FLVCR2: variants seen among roughly 807,000 people sequenced by gnomAD.
The protein encoded by FLVCR2 is FLVCR choline and putative heme transporter 2.
In FLVCR2, 38 loss-of-function variants were observed where a neutral mutation model predicts 48.9. That is an observed-to-expected ratio of 0.78 (90% CI 0.60 to 1.02). The LOEUF (loss-of-function observed/expected upper bound fraction) is 1.02, where lower values mean the gene tolerates loss of function less well. FLVCR2 is among the 50% of genes least tolerant of loss of function. The probability of loss-of-function intolerance (pLI) is 0.00; values close to 1 mark genes in which losing one functional copy is unlikely to be tolerated. For synonymous variants in FLVCR2, 255 were observed against 257.0 expected (o/e 0.99, Z 0.07); for missense variants, 664 against 663.3 (o/e 1.00, Z -0.01).
intron 1 of FLVCR2, among the ~76,000 whole-genome samples, chr14:75,591,740 C>T (rs1888885182): frequency 6.7e-6 from 1 of 150,090 alleles, no homozygotes; most frequent in Admixed American, 6.7e-5. Context: ...CAGAGGCTGT[C>T]TGTGGTGGCT....
At chr14:75,611,850 G>A (rs114641664) in intron 1 of FLVCR2, among the ~76,000 whole-genome samples, 1,889 of 152,260 alleles carry the variant, frequency 0.012, 35 homozygotes, top group African/African-American at 0.042. Context: ...ATGTGAAAAA[G>A]CCTTTAGCAT....
chr14:75,613,187 G>T (rs530350671), intron 1 of FLVCR2, among the ~76,000 whole-genome samples: 1 of 152,250 alleles, frequency 6.6e-6, no homozygotes. Flanking sequence ...ATCTGAGGCT[G>T]GGTGATATAT....
chr14:75,598,324 G>T (rs974711651), intron 1 of FLVCR2, among the ~76,000 whole-genome samples: 7 of 152,188 alleles, frequency 4.6e-5, no homozygotes, highest in Non-Finnish European at 8.8e-5. Context: ...GCCCTAATGG[G>T]ATATGAGCTT....
chr14:75,619,710 A>G (rs1889714889), intron 1 of FLVCR2, among the ~76,000 whole-genome samples: 1 of 152,194 alleles, frequency 6.6e-6, no homozygotes, highest in African/African-American at 2.4e-5. Flanking sequence ...TCCTTGAGAA[A>G]GGTTACCATG....
intron 3 of FLVCR2, among the ~76,000 whole-genome samples, chr14:75,629,354 G>T (rs1773199650): frequency 6.6e-6 from 1 of 152,018 alleles, no homozygotes; most frequent in Admixed American, 6.6e-5. Flanking sequence ...GAGGGGGAGA[G>T]GTGCAGGGGT....
chr14:75,637,144 T>A (rs528244026), intron 5 of FLVCR2, among the ~76,000 whole-genome samples: 27 of 152,362 alleles, frequency 1.8e-4, no homozygotes, highest in Middle Eastern at 3.4e-3. Flanking sequence ...GACACAGGTT[T>A]CAAATCCAGC....
intron 1 of FLVCR2, among the ~76,000 whole-genome samples, chr14:75,621,357 G>A (rs1057033940): frequency 1.1e-4 from 16 of 150,792 alleles, no homozygotes; most frequent in Admixed American, 2.0e-4. Context: ...GCAGTGAGCC[G>A]AGATTGCGCC....
intron 9 of FLVCR2, among the ~76,000 whole-genome samples, chr14:75,642,145 G>A (rs1039003526): frequency 2.0e-5 from 3 of 152,130 alleles, no homozygotes; most frequent in African/African-American, 4.8e-5. Flanking sequence ...TGGAGCCCCC[G>A]GCCTCATCCC....
Position 75,610,147 on chromosome 14 carries a change from G to A in FLVCR2, c.670-11932G>A, listed in dbSNP as rs188714250. 4.7e-4 allele frequency among the ~76,000 whole-genome samples: 72 copies of A among 152,282 alleles called. 1 individual carries two copies. The East Asian group carries it at 0.011, about 22-fold the overall frequency. ...CACTCATTTTTCCTCCTTCCTAGCCGAGTCATGGGGAAGTTCTGTGACCAC... is the reference window on the plus strand; with the variant it reads ...CACTCATTTTTCCTCCTTCCTAGCCAAGTCATGGGGAAGTTCTGTGACCAC... On this transcript the variant is annotated intron_variant, in intron 1 of 9. Coordinates refer to ENST00000238667, the MANE Select transcript of FLVCR2 (RefSeq NM_017791.3).
chr14:75,582,046 GAGA>G (rs762067924), intron 1 of FLVCR2, among the ~76,000 whole-genome samples: 2 of 152,198 alleles, frequency 1.3e-5, no homozygotes, highest in East Asian at 1.9e-4. Flanking sequence ...AGTGACCGAT[GAGA>G]AGGAGAAAAA....
At position 75,579,648 on chromosome 14, in the gene FLVCR2, A is replaced by G. The variant is rs1252100619; in HGVS notation, c.669+7A>G. ...GGCTGTCTTTGGCAATCAGGTAGGT[A>G]GAACAGTTTGTGAATGTTCCCAGGG... is the stretch of plus-strand genomic sequence containing the variant. On this transcript the variant is annotated splice_region_variant and intron_variant, in intron 1 of 9. Transcript: ENST00000238667. The G allele has an allele frequency of 1.2e-6, 2 of 1,614,100 alleles. No individual in the cohort carries two copies. Among genetic ancestry groups the G allele is most frequent in the East Asian group, 4.5e-5 (2 of 44,888 alleles).
intron 1 of FLVCR2, among the ~76,000 whole-genome samples, chr14:75,601,112 T>C (rs1282360798): frequency 6.6e-6 from 1 of 152,218 alleles, no homozygotes; most frequent in Non-Finnish European, 1.5e-5. Context: ...AAACCAGTCA[T>C]TAGCATTGTT....
intron 5 of FLVCR2, among the ~76,000 whole-genome samples, chr14:75,638,653 CT>C (rs1890227297): frequency 6.6e-6 from 1 of 152,002 alleles, no homozygotes; most frequent in African/African-American, 2.4e-5. Flanking sequence ...CCTGTTTTTT[CT>C]TTTTTCTGGT....
At chr14:75,586,255 G>A (rs906322628) in intron 1 of FLVCR2, among the ~76,000 whole-genome samples, 3 of 143,926 alleles carry the variant, frequency 2.1e-5, no homozygotes, top group African/African-American at 5.9e-5. Context: ...GCAGACAGTG[G>A]GTGGATCTCA....
chr14:75,606,971 G>A (rs1308604594), intron 1 of FLVCR2, among the ~76,000 whole-genome samples: 1 of 152,010 alleles, frequency 6.6e-6, no homozygotes, highest in Non-Finnish European at 1.5e-5. Flanking sequence ...AAATTCCTGG[G>A]CACCAGAGCA....
At chr14:75,582,119 A>G (rs1457034728) in intron 1 of FLVCR2, among the ~76,000 whole-genome samples, 1 of 152,204 alleles carries the variant, frequency 6.6e-6, no homozygotes, top group African/African-American at 2.4e-5. Flanking sequence ...ATATCAGCAT[A>G]AGCATTGCCC....
intron 3 of FLVCR2, among the ~76,000 whole-genome samples, chr14:75,631,062 G>T (rs1013776173): frequency 1.3e-5 from 2 of 152,192 alleles, no homozygotes; most frequent in Admixed American, 1.3e-4. Flanking sequence ...TGACAATATG[G>T]TGAGGGACAT....
chr14:75,627,617 G>T (rs1189552364), intron 3 of FLVCR2, among the ~76,000 whole-genome samples: 3 of 152,174 alleles, frequency 2.0e-5, no homozygotes, highest in Non-Finnish European at 2.9e-5. Flanking sequence ...GACCTACCTA[G>T]CAGGTCCCCG....
At chr14:75,639,012 C>T (rs540483543) in intron 5 of FLVCR2, among the ~76,000 whole-genome samples, 11 of 152,170 alleles carry the variant, frequency 7.2e-5, no homozygotes, top group Middle Eastern at 3.4e-3. Flanking sequence ...GTCAGGAGTT[C>T]GATACCAGCC....
Sources: allele counts gnomAD v4.1 joint callset (sites outside exome capture counted in the v4.1 genomes callset), GRCh38; gene constraint gnomAD v4.1.1; transcripts MANE v1.5; gene names NCBI Gene and HGNC (gene_info 2026-07-23, HGNC 2026-07-21).